The following CD248 variants were observed in gnomAD, a reference collection of about 807,000 sequenced individuals.
CD248 encodes the protein endosialin.
In CD248, 7 loss-of-function variants were observed where a neutral mutation model predicts 8.0. That is an observed-to-expected ratio of 0.88 (90% CI 0.50 to 1.64). The LOEUF (loss-of-function observed/expected upper bound fraction) is 1.64, where lower values mean the gene tolerates loss of function less well. Among genes scored for constraint, CD248 ranks in the 40% most tolerant of loss-of-function variants. CD248 has a pLI of 0.00. For missense variants in CD248, 912 were observed against 1,027.2 expected (o/e 0.89, Z 1.53); for synonymous variants, 418 against 437.1 (o/e 0.96, Z 0.54).
At position 66,316,890 on chromosome 11, in the gene CD248, C is replaced by T. The variant is rs1352529685; in HGVS notation, c.138G>A (p.Glu46=). 6 of 1,554,740 alleles carry T rather than the reference C, an allele frequency of 3.9e-6. No individual in the cohort carries two copies. The highest frequency in any genetic ancestry group is 5.2e-6 in the Non-Finnish European group (6 of 1,160,132). ...ALFPRRRTFL[E]AWRACRELGG... is the part of the protein sequence containing the mutation. ...CCAGCTCGCGGCAGGCCCGCCAGGC[C>T]TCCAGGAAGGTGCGGCGCCGTGGGA... Residue 46 remains glutamate (E), a synonymous_variant, in exon 1 of 1, where the codon GAG becomes GAA. Transcript: ENST00000311330.
rs750745496 is a variant in CD248, at chr11:66,315,667, G to T, written c.1361C>A (p.Ser454Tyr). ...VLSVTRPVVV[S>Y]ATHPTLPSAH... is the part of the protein sequence containing the mutation. ...AGAAGGCAGTGTGGGATGCGTGGCAGAGACCACCACAGGCCGGGTGACGGA... is the reference window on the plus strand; with the variant it reads ...AGAAGGCAGTGTGGGATGCGTGGCATAGACCACCACAGGCCGGGTGACGGA... Residue 454 changes from serine (S) to tyrosine (Y), a missense_variant, in exon 1 of 1, where the codon TCT (serine) becomes TAT (tyrosine). Ser to Tyr is a moderately radical substitution (Grantham distance 144, BLOSUM62 -2). Transcript: ENST00000311330. This position sits in a 1 kb window ranked among gnomAD's most constrained non-coding sequence, Gnocchi z 4.3. 5.2e-5 allele frequency: 84 copies of T among 1,613,706 alleles called. No individual in the cohort carries two copies. The highest frequency in any genetic ancestry group is 7.0e-5 in the Non-Finnish European group (83 of 1,179,898).
rs1348032924 is a variant in CD248 at position 66,316,396 on chromosome 11, A to G, written c.632T>C (p.Leu211Pro). The change falls in exon 1 of 1, where the codon CTG becomes CCG. Residue 211 changes from leucine to proline, a missense_variant. Leu to Pro is a moderately conservative substitution (Grantham distance 98). Around this residue, in one of 3 missense-constraint regions of CD248, gnomAD observed 403 missense variants for 446.2 expected, o/e 0.90. Coordinates refer to ENST00000311330, the MANE Select transcript of CD248 (RefSeq NM_020404.3). ...VQCQAGRGAS[L>P]LCVKQPEGGV... ...TCCCTCAGGCTGCTTCACGCAGAGC[A>G]GAGAGGCTCCCCTGCCAGCCTGGCA... The G allele has an allele frequency of 6.2e-7, 1 of 1,608,846 alleles. No homozygotes were observed. The highest frequency in any genetic ancestry group is 1.3e-5 in the African/African-American group (1 of 75,066).
rs79080336 is a variant in CD248, at chr11:66,315,533, C to T, written c.1495G>A (p.Gly499Ser). Residue 499 changes from glycine (G) to serine (S), a missense_variant, in exon 1 of 1, where the codon GGT becomes AGT. Gly to Ser is a moderately conservative substitution (Grantham distance 56). This residue lies in a region of CD248 where 507 missense variants were observed against 562.2 expected (regional missense o/e 0.90). Transcript: ENST00000311330. The surrounding 1 kb of genome is among the most constrained non-coding windows in gnomAD (Gnocchi z 4.3). ...YPDLPSAYQP[G>S]ILSVSHSAQP... ...GCTGAATGAGAGACAGAGAGAATAC[C>T]GGGTTGGTAGGCAGAAGGCAGATCT... 22 of 1,613,730 alleles carry T rather than the reference C, an allele frequency of 1.4e-5. No homozygotes were observed. Among genetic ancestry groups the T allele is most frequent in the East Asian group, 6.7e-5 (3 of 44,890 alleles).
At position 66,315,970 on chromosome 11, in the gene CD248, G is replaced by T; in HGVS notation, c.1058C>A (p.Ala353Glu). Residue 353 changes from alanine to glutamate, a missense_variant, in exon 1 of 1, where the codon GCA becomes GAA. By Grantham distance (107) the Ala-to-Glu change is moderately radical. Coordinates refer to ENST00000311330, the MANE Select transcript of CD248 (RefSeq NM_020404.3). The surrounding 1 kb of genome is among the most constrained non-coding windows in gnomAD (Gnocchi z 4.3). ...LEADGISCSPAGAMGAQASQD... is the reference protein window; with the variant it reads ...LEADGISCSPEGAMGAQASQD... Reference sequence around the variant, plus strand: ...GGAAGCCTGGGCACCCATGGCCCCTGCAGGGCTGCAGCTGATGCCATCAGC... The same window carrying T: ...GGAAGCCTGGGCACCCATGGCCCCTTCAGGGCTGCAGCTGATGCCATCAGC... 6.2e-7 allele frequency: 1 copy of T among 1,613,298 alleles called. No individual in the cohort carries two copies. The highest frequency in any genetic ancestry group is 8.5e-7 in the Non-Finnish European group (1 of 1,180,018).
rs1250995179 is a variant in CD248, at chr11:66,315,399, G to A, written c.1629C>T (p.Thr543=). The change falls in exon 1 of 1, where the codon ACC becomes ACT. Residue 543 remains threonine, a synonymous_variant. Coordinates refer to ENST00000311330, the MANE Select transcript of CD248 (RefSeq NM_020404.3). The surrounding 1 kb of genome is among the most constrained non-coding windows in gnomAD (Gnocchi z 4.3). ...GTGGGATTCCAGGCAAATGAGTGGT[G>A]GTCTGGGTGCCAGCGACCCGGGTGT... The part of the protein sequence containing the change: ...FPDTRVAGTQ[T]TTHLPGIPPN... 1 of 1,612,072 alleles carries A rather than the reference G, an allele frequency of 6.2e-7. No individual in the cohort carries two copies. Among genetic ancestry groups the A allele is most frequent in the Non-Finnish European group, 8.5e-7 (1 of 1,178,732 alleles).
In CD248 at chr11:66,315,956, C is replaced by G; in HGVS notation, c.1072G>C (p.Ala358Pro). Residue 358 changes from alanine to proline, a missense_variant, in exon 1 of 1, where the codon GCC becomes CCC. Ala to Pro is a conservative substitution (Grantham distance 27). Around this residue, in one of 3 missense-constraint regions of CD248, gnomAD observed 507 missense variants for 562.2 expected, o/e 0.90. Transcript: ENST00000311330. The surrounding 1 kb of genome is among the most constrained non-coding windows in gnomAD (Gnocchi z 4.3). ...ISCSPAGAMG[A>P]QASQDLGDEL... Reference sequence around the variant, plus strand: ...TCTCCGAGGTCCTGGGAAGCCTGGGCACCCATGGCCCCTGCAGGGCTGCAG... The same window carrying G: ...TCTCCGAGGTCCTGGGAAGCCTGGGGACCCATGGCCCCTGCAGGGCTGCAG... The G allele has an allele frequency of 6.2e-7, 1 of 1,613,334 alleles. No homozygotes were observed. Among genetic ancestry groups the G allele is most frequent in the East Asian group, 2.2e-5 (1 of 44,886 alleles).
chr11:66,315,077 G>A lies in CD248; in HGVS notation c.1951C>T (p.Pro651Ser), dbSNP rs147602514. 5.5e-5 allele frequency: 86 copies of A among 1,566,832 alleles called. No homozygotes were observed. The African/African-American group carries it at 1.0e-3, about 18-fold the overall frequency. The change falls in exon 1 of 1, where the codon CCC becomes TCC. Residue 651 changes from proline (P) to serine (S), a missense_variant. Transcript: ENST00000311330. This position sits in a 1 kb window ranked among gnomAD's most constrained non-coding sequence, Gnocchi z 4.3. Reference sequence around the variant, plus strand: ...AGCCACAGGGCCAACTTGGGACTGGGGCCATCTTCCCTTGGGATTTGGGGG... The same window carrying A: ...AGCCACAGGGCCAACTTGGGACTGGAGCCATCTTCCCTTGGGATTTGGGGG... ...KAPQIPREDG[P>S]SPKLALWLPS...
Position 66,316,601 on chromosome 11 carries a change from G to T in CD248, c.427C>A (p.Leu143Met). 6.2e-7 allele frequency: 1 copy of T among 1,601,866 alleles called. No individual in the cohort carries two copies. Among genetic ancestry groups the T allele is most frequent in the Non-Finnish European group, 8.5e-7 (1 of 1,179,070 alleles). Residue 143 changes from leucine (L) to methionine (M), a missense_variant, in exon 1 of 1, where the codon CTG (leucine) becomes ATG (methionine). Around this residue, in one of 3 missense-constraint regions of CD248, gnomAD observed 403 missense variants for 446.2 expected, o/e 0.90. Transcript: ENST00000311330. Reference sequence around the variant, plus strand: ...ACAGCCAGCGTGCACGAGCCCTCCAGCCAGCGGTGCTCGCCACTTGCCTCC... The same window carrying T: ...ACAGCCAGCGTGCACGAGCCCTCCATCCAGCGGTGCTCGCCACTTGCCTCC... ...ALEASGEHRW[L>M]EGSCTLAVDG... is the part of the protein sequence containing the mutation.
chr11:66,315,263 G>T lies in CD248; in HGVS notation c.1765C>A (p.Gln589Lys). Residue 589 changes from glutamine (Q) to lysine (K), a missense_variant, in exon 1 of 1, where the codon CAG becomes AAG. Transcript: ENST00000311330. The surrounding 1 kb of genome is among the most constrained non-coding windows in gnomAD (Gnocchi z 4.3). ...ATQLPIIPTAQPSLTTTSRSP... is the reference protein window; with the variant it reads ...ATQLPIIPTAKPSLTTTSRSP... ...CTGGAGGTGGTGGTCAGAGAGGGCT[G>T]GGCAGTTGGGATAATGGGAAGCTGG... 1 of 1,539,138 alleles carries T rather than the reference G, an allele frequency of 6.5e-7. No homozygotes were observed. Among genetic ancestry groups the T allele is most frequent in the Non-Finnish European group, 8.7e-7 (1 of 1,143,330 alleles).
chr11:66,316,882 C>A lies in CD248; in HGVS notation c.146G>T (p.Arg49Leu). The change falls in exon 1 of 1, where the codon CGG becomes CTG. Residue 49 changes from arginine (R) to leucine (L), a missense_variant. This residue lies in a region of CD248 where 403 missense variants were observed against 446.2 expected (regional missense o/e 0.90). Coordinates refer to ENST00000311330, the MANE Select transcript of CD248 (RefSeq NM_020404.3). Reference protein sequence around the residue: ...PRRRTFLEAWRACRELGGDLA... With the variant: ...PRRRTFLEAWLACRELGGDLA... ...GTCGCCCCCCAGCTCGCGGCAGGCC[C>A]GCCAGGCCTCCAGGAAGGTGCGGCG... The A allele has an allele frequency of 6.5e-7, 1 of 1,549,606 alleles. No homozygotes were observed. The highest frequency in any genetic ancestry group is 1.4e-5 in the African/African-American group (1 of 73,114).
chr11:66,316,106 G>A lies in CD248; in HGVS notation c.922C>T (p.His308Tyr). Residue 308 changes from histidine to tyrosine, a missense_variant, in exon 1 of 1, where the codon CAC becomes TAC. Physicochemically the swap from His to Tyr is moderately conservative, Grantham distance 83. Coordinates refer to ENST00000311330, the MANE Select transcript of CD248 (RefSeq NM_020404.3). ...LGFRPAEDDP[H>Y]RCVDTDECQI... is the part of the protein sequence containing the mutation. ...CACTCATCTGTGTCCACACAGCGGT[G>A]CGGATCATCCTCCGCTGGCCGGAAA... 1 of 1,613,570 alleles carries A rather than the reference G, an allele frequency of 6.2e-7. No homozygotes were observed. Among genetic ancestry groups the A allele is most frequent in the African/African-American group, 1.3e-5 (1 of 75,068 alleles).
At position 66,316,138 on chromosome 11, in the gene CD248, C is replaced by T. The variant is rs760835312; in HGVS notation, c.890G>A (p.Arg297His). ...ATCCTCCGCTGGCCGGAAACCCAGG[C>T]GACAGTGGCAGCTGTAGCCTTGTGG... is the stretch of plus-strand genomic sequence containing the variant. Reference protein sequence around the residue: ...GGPQGYSCHCRLGFRPAEDDP... With the variant: ...GGPQGYSCHCHLGFRPAEDDP... The change falls in exon 1 of 1, where the codon CGC (arginine) becomes CAC (histidine). Residue 297 changes from arginine to histidine, a missense_variant. This residue lies in a region of CD248 where 403 missense variants were observed against 446.2 expected (regional missense o/e 0.90). Transcript: ENST00000311330. 1.5e-5 allele frequency: 25 copies of T among 1,613,024 alleles called. No individual in the cohort carries two copies. Among genetic ancestry groups the T allele is most frequent in the South Asian group, 5.5e-5 (5 of 91,090 alleles).
rs1211005217 is a variant in CD248 at position 66,316,791 on chromosome 11, G to A, written c.237C>T (p.Ala79=). Residue 79 remains alanine, a synonymous_variant, in exon 1 of 1, where the codon GCC becomes GCT. Transcript: ENST00000311330. ...RVDSLVGAGP[A]SRLLWIGLQR... is the part of the protein sequence containing the mutation. ...GCAGCCCGATCCACAGCAGCCGGCT[G>A]GCTGGGCCCGCACCCACCAGGCTGT... The A allele has an allele frequency of 2.5e-6, 4 of 1,593,096 alleles. No homozygotes were observed. The South Asian group carries it at 4.4e-5, about 18-fold the overall frequency.
At position 66,316,939 on chromosome 11, in the gene CD248, C is replaced by T; in HGVS notation, c.89G>A (p.Gly30Asp). The T allele has an allele frequency of 1.3e-6, 2 of 1,551,962 alleles. No individual in the cohort carries two copies. Among genetic ancestry groups the T allele is most frequent in the Non-Finnish European group, 8.6e-7 (1 of 1,160,120 alleles). ...GAAGAGAGCGTAGCAGCTGCTGGGG[C>T]CGCAGGCGGCACGGGGCTCAGCAGC... Reference protein sequence around the residue: ...PWAAEPRAACGPSSCYALFPR... With the variant: ...PWAAEPRAACDPSSCYALFPR... The change falls in exon 1 of 1, where the codon GGC becomes GAC. Residue 30 changes from glycine to aspartate, a missense_variant. Gly to Asp is a moderately conservative substitution (Grantham distance 94). This residue lies in a region of CD248 where 403 missense variants were observed against 446.2 expected (regional missense o/e 0.90). Coordinates refer to ENST00000311330, the MANE Select transcript of CD248 (RefSeq NM_020404.3).
Position 66,315,849 on chromosome 11 carries a change from A to G in CD248, c.1179T>C (p.Pro393=), listed in dbSNP as rs763086612. The G allele has an allele frequency of 3.7e-6, 6 of 1,613,938 alleles. No individual in the cohort carries two copies. In the Admixed American group the frequency reaches 1.0e-4, roughly 27 times the overall value. Residue 393 remains proline, a synonymous_variant, in exon 1 of 1, where the codon CCT becomes CCC. Transcript: ENST00000311330. The surrounding 1 kb of genome is among the most constrained non-coding windows in gnomAD (Gnocchi z 4.3). ...GCGTAGGCTCCATCCACAGGATCCC[A>G]GGCATCTCCGTCCAGCCACCGTTGA... is the stretch of plus-strand genomic sequence containing the variant. ...KAFNGGWTEM[P]GILWMEPTQP...
Position 66,314,588 on chromosome 11 carries a change from A to G in CD248, c.*166T>C. The G allele has an allele frequency of 3.2e-6, 2 of 619,392 alleles. No individual in the cohort carries two copies. Among genetic ancestry groups the G allele is most frequent in the Non-Finnish European group, 5.6e-6 (2 of 357,726 alleles). 38.4% of individuals were successfully genotyped at this position (619,392 alleles called of 1,614,324 possible). ...TATCCTTGGTCACGAGCGCTGGGCC[A>G]GGAAGCAGAGTTCCTGAGAGCCAAG... On this transcript the variant is annotated 3_prime_UTR_variant, in exon 1 of 1. Coordinates refer to ENST00000311330, the MANE Select transcript of CD248 (RefSeq NM_020404.3). The surrounding 1 kb of genome is among the most constrained non-coding windows in gnomAD (Gnocchi z 4.0).
rs1296306817 is a variant in CD248, at chr11:66,316,660, C to T, written c.368G>A (p.Gly123Glu). 6.2e-7 allele frequency: 1 copy of T among 1,606,144 alleles called. No homozygotes were observed. The highest frequency in any genetic ancestry group is 8.5e-7 in the Non-Finnish European group (1 of 1,179,256). Reference sequence around the variant, plus strand: ...ACAGCGCTGGGCCGGGCAGGGGCCTCCAGAGGCTGGCTGGGCCCAGTTGGT... The same window carrying T: ...ACAGCGCTGGGCCGGGCAGGGGCCTTCAGAGGCTGGCTGGGCCCAGTTGGT... ...AFTNWAQPAS[G>E]GPCPAQRCVA... is the part of the protein sequence containing the mutation. The change falls in exon 1 of 1, where the codon GGA (glycine) becomes GAA (glutamate). Residue 123 changes from glycine to glutamate, a missense_variant. Transcript: ENST00000311330.
rs759886941 is a variant in CD248 at position 66,314,841 on chromosome 11, G to T, written c.2187C>A (p.Val729=). The change falls in exon 1 of 1, where the codon GTC becomes GTA. Residue 729 remains valine, a synonymous_variant. Coordinates refer to ENST00000311330, the MANE Select transcript of CD248 (RefSeq NM_020404.3). This position sits in a 1 kb window ranked among gnomAD's most constrained non-coding sequence, Gnocchi z 4.0. ...TTGGGCTCTTGCTCCCAGCATGGATGACCCAGCGATAGCAGTCAGTGATGC... is the reference window on the plus strand; with the variant it reads ...TTGGGCTCTTGCTCCCAGCATGGATTACCCAGCGATAGCAGTCAGTGATGC... ...NKRITDCYRW[V]IHAGSKSPTE... 1 of 1,589,454 alleles carries T rather than the reference G, an allele frequency of 6.3e-7. No homozygotes were observed. Among genetic ancestry groups the T allele is most frequent in the Non-Finnish European group, 8.6e-7 (1 of 1,168,596 alleles).
chr11:66,315,009 C>T lies in CD248; in HGVS notation c.2019G>A (p.Glu673=). 1 of 1,609,180 alleles carries T rather than the reference C, an allele frequency of 6.2e-7. No homozygotes were observed. Among genetic ancestry groups the T allele is most frequent in the Non-Finnish European group, 8.5e-7 (1 of 1,177,442 alleles). Residue 673 remains glutamate (E), a synonymous_variant, in exon 1 of 1, where the codon GAG becomes GAA. Transcript: ENST00000311330. The surrounding 1 kb of genome is among the most constrained non-coding windows in gnomAD (Gnocchi z 4.3). ...APTAAPTALG[E]AGLAEHSQRD... Reference sequence around the variant, plus strand: ...TCTGGCTGTGCTCGGCAAGACCAGCCTCCCCCAGGGCTGTTGGGGCTGCTG... The same window carrying T: ...TCTGGCTGTGCTCGGCAAGACCAGCTTCCCCCAGGGCTGTTGGGGCTGCTG...
Sources: allele counts gnomAD v4.1 joint callset, GRCh38; gene constraint gnomAD v4.1.1; regional missense constraint gnomAD v4.1.1; non-coding constraint Gnocchi (gnomAD v3.1); transcripts MANE v1.5; gene names NCBI Gene and HGNC (gene_info 2026-07-23, HGNC 2026-07-21).